The following AVEN variants were observed in gnomAD, a reference collection of about 807,000 sequenced individuals.
AVEN encodes apoptosis and caspase activation inhibitor, also known as cell death regulator Aven.
AVEN carries 41 observed loss-of-function variants against 38.1 expected under a neutral mutation model. The observed-to-expected ratio is 1.08, with a 90% CI of 0.84 to 1.40. AVEN has a LOEUF of 1.40. AVEN is among the 40% of genes most tolerant of loss of function. The pLI is 0.00. For synonymous variants in AVEN, 206 were observed against 171.8 expected (o/e 1.20, Z -1.56); for missense variants, 605 against 438.8 (o/e 1.38, Z -3.38).
At chr15:34,051,779 A>C (rs1043052130) in intron 5 of AVEN, among the ~76,000 whole-genome samples, 1 of 152,136 alleles carries the variant, frequency 6.6e-6, no homozygotes, top group African/African-American at 2.4e-5. Context: ...CCCTCCCAAG[A>C]CTGAACCAAG....
At chr15:34,046,911 T>A (rs951122049) in intron 5 of AVEN, 3 of 152,308 alleles carry the variant, frequency 2.0e-5, no homozygotes, top group Non-Finnish European at 4.4e-5. Context: ...ACCACATTTC[T>A]CCCACAGGTC....
chr15:33,854,519 G>C (rs1416907615), downstream of AVEN: 1 of 1,320,982 alleles, frequency 7.6e-7, no homozygotes, highest in East Asian at 2.5e-5. Flanking sequence ...AGCAAGCTAT[G>C]CAGGATGCTC....
At chr15:33,860,036 CT>C (rs1337842570) in intron 11 of AVEN, among the ~76,000 whole-genome samples, 1 of 152,150 alleles carries the variant, frequency 6.6e-6, no homozygotes, top group African/African-American at 2.4e-5. Context: ...GTCTTGTCCT[CT>C]TCATTTTCTT....
intron 5 of AVEN, among the ~76,000 whole-genome samples, chr15:34,062,282 G>A (rs1900358942): frequency 1.3e-5 from 2 of 152,174 alleles, no homozygotes; most frequent in Non-Finnish European, 2.9e-5. Flanking sequence ...TGGGCCGGGC[G>A]CGGTGGCTCA....
chr15:33,913,014 C>G (rs1368447571), intron 2 of AVEN, among the ~76,000 whole-genome samples: 1 of 151,990 alleles, frequency 6.6e-6, no homozygotes, highest in Non-Finnish European at 1.5e-5. Context: ...CTCAGCCTCC[C>G]AAGTAGCTGG....
At chr15:34,054,659 A>T (rs995241328) in intron 5 of AVEN, among the ~76,000 whole-genome samples, 4 of 152,156 alleles carry the variant, frequency 2.6e-5, no homozygotes, top group African/African-American at 4.8e-5. Context: ...ACATCCAGGG[A>T]AACAACACAC....
chr15:33,915,302 T>C (rs980352518), intron 2 of AVEN, among the ~76,000 whole-genome samples: 2 of 152,092 alleles, frequency 1.3e-5, no homozygotes, highest in Non-Finnish European at 2.9e-5. Flanking sequence ...AGCAAGCGCA[T>C]TGCTCCTGTA....
chr15:33,876,100 C>T (rs1891218853), intron 2 of AVEN, 105 bp from the exon 3 acceptor site: 1 of 1,006,140 alleles, frequency 9.9e-7, no homozygotes, highest in Non-Finnish European at 1.5e-6. Context: ...AGTGCTCAAA[C>T]TCAAAGGGAG....
At chr15:34,043,252 A>T (rs1023819944), upstream of AVEN, among the ~76,000 whole-genome samples, 5 of 151,312 alleles carry the variant, frequency 3.3e-5, no homozygotes, top group African/African-American at 1.2e-4. Flanking sequence ...GTCTCAAAAA[A>T]AAAAAAAAGA....
chr15:33,922,436 T>TG (rs1893431089), intron 2 of AVEN, among the ~76,000 whole-genome samples: 1 of 73,470 alleles, frequency 1.4e-5, no homozygotes, highest in Non-Finnish European at 3.4e-5. Context: ...ATTTGACACT[T>TG]TTTTTTCTCT....
intron 1 of AVEN, among the ~76,000 whole-genome samples, chr15:34,017,900 T>C (rs1012577822): frequency 1.3e-5 from 2 of 152,202 alleles, no homozygotes; most frequent in Non-Finnish European, 2.9e-5. Flanking sequence ...AAGGTTATAA[T>C]GGAGCTGAAA....
At chr15:33,861,998 A>T (rs1205527482), downstream of AVEN, among the ~76,000 whole-genome samples, 1 of 152,048 alleles carries the variant, frequency 6.6e-6, no homozygotes, top group Non-Finnish European at 1.5e-5. Context: ...CACTTATTCT[A>T]CGGTAAAGCA....
At chr15:33,916,377 C>A (rs896343603) in intron 2 of AVEN, among the ~76,000 whole-genome samples, 4 of 152,188 alleles carry the variant, frequency 2.6e-5, no homozygotes, top group African/African-American at 9.7e-5. Context: ...CCCCCAGTAC[C>A]AGCCCAGAGC....
At chr15:33,876,841 G>A (rs897541246) in intron 2 of AVEN, among the ~76,000 whole-genome samples, 1 of 152,178 alleles carries the variant, frequency 6.6e-6, no homozygotes, top group African/African-American at 2.4e-5. Context: ...ATTCTAAAAT[G>A]TAGCAGCCAT....
At position 33,995,517 on chromosome 15, in the gene AVEN, A is replaced by G. The variant is rs566187748; in HGVS notation, c.445+7515T>C. Reference sequence around the variant, plus strand: ...TGGTATCCACAGGCGTCCTGAAACCATCCCTCTTGGATACCAAGGGAAAAC... The same window carrying G: ...TGGTATCCACAGGCGTCCTGAAACCGTCCCTCTTGGATACCAAGGGAAAAC... On this transcript the variant is annotated intron_variant, in intron 2 of 5. Coordinates refer to ENST00000306730, the MANE Select transcript of AVEN (RefSeq NM_020371.3). 2.6e-5 allele frequency among the ~76,000 whole-genome samples: 4 copies of G among 152,304 alleles called. No individual in the cohort carries two copies. In the South Asian group the frequency reaches 8.3e-4, roughly 32 times the overall value.
chr15:33,942,240 G>C lies in AVEN; in HGVS notation c.445+60792C>G, dbSNP rs149644091. Among the ~76,000 whole-genome samples the C allele has an allele frequency of 5.2e-3, 788 of 152,188 alleles. 1 individual carries two copies. The highest frequency in any genetic ancestry group is 8.3e-3 in the Non-Finnish European group (563 of 68,012). ...AAATTCTATGTTTGTATAATTTTAA[G>C]ATCACATTTTTTTATATATTAATGC... On this transcript the variant is annotated intron_variant, in intron 2 of 5. Coordinates refer to ENST00000306730, the MANE Select transcript of AVEN (RefSeq NM_020371.3).
chr15:33,890,201 A>AT (rs1891881409), intron 2 of AVEN, among the ~76,000 whole-genome samples: 1 of 152,162 alleles, frequency 6.6e-6, no homozygotes, highest in African/African-American at 2.4e-5. Context: ...TAGTGATCTT[A>AT]TCTTAGTTGG....
intron 4 of AVEN, among the ~76,000 whole-genome samples, chr15:33,870,716 C>A (rs553508255): frequency 6.6e-6 from 1 of 152,196 alleles, no homozygotes; most frequent in African/African-American, 2.4e-5. Context: ...AATTCCACTA[C>A]ATTTGATCCT....
At position 33,912,546 on chromosome 15, in the gene AVEN, G is replaced by A. The variant is rs541359668; in HGVS notation, c.446-36551C>T. Reference sequence around the variant, plus strand: ...AAAGTACAATACAAAACATCACCAAGCATGGATTTCCATCAATGTGTAACT... The same window carrying A: ...AAAGTACAATACAAAACATCACCAAACATGGATTTCCATCAATGTGTAACT... On this transcript the variant is annotated intron_variant, in intron 2 of 5. Coordinates refer to ENST00000306730, the MANE Select transcript of AVEN (RefSeq NM_020371.3). Among the ~76,000 whole-genome samples, 3 of 152,320 alleles carry A rather than the reference G, an allele frequency of 2.0e-5. 1 individual carries two copies. In the South Asian group the frequency reaches 6.2e-4, roughly 32 times the overall value.
Sources: allele counts gnomAD v4.1 joint callset (sites outside exome capture counted in the v4.1 genomes callset), GRCh38; gene constraint gnomAD v4.1.1; transcripts MANE v1.5; gene names NCBI Gene and HGNC (gene_info 2026-07-23, HGNC 2026-07-21).